EPHA5: variants seen among roughly 807,000 people sequenced by gnomAD.
EPHA5 encodes ephrin type-A receptor 5.
A neutral mutation model predicts 105.0 loss-of-function variants in EPHA5; 60 were observed. That is an observed-to-expected ratio of 0.57 (90% CI 0.46 to 0.71). The LOEUF (loss-of-function observed/expected upper bound fraction) is 0.71. Ranked by LOEUF, EPHA5 falls within the 30% of genes least tolerant of loss-of-function variation. EPHA5 has a pLI of 0.00. For missense variants in EPHA5, 1,218 were observed against 1,274.7 expected, an observed-to-expected ratio of 0.96 and a Z score of 0.68; for synonymous variants, 513 against 449.1, an observed-to-expected ratio of 1.14 and a Z score of -1.80.
At chr4:65,594,040 T>A (rs1006349874) in intron 3 of EPHA5, among the ~76,000 whole-genome samples, 1 of 152,228 alleles carries the variant, frequency 6.6e-6, no homozygotes, top group African/African-American at 2.4e-5. Context: ...TTCTGTTTTA[T>A]GTTATCAGAC....
At chr4:65,479,216 T>C (rs1730119538) in intron 5 of EPHA5, among the ~76,000 whole-genome samples, 1 of 152,198 alleles carries the variant, frequency 6.6e-6, no homozygotes, top group Admixed American at 6.5e-5. Context: ...ATTGTTGTAA[T>C]CATTGTATGT....
chr4:65,653,515 A>G (rs1320789621), intron 1 of EPHA5, among the ~76,000 whole-genome samples: 1 of 152,100 alleles, frequency 6.6e-6, no homozygotes, highest in Non-Finnish European at 1.5e-5. Flanking sequence ...CTCAGAACTA[A>G]TTATCCATCT....
At position 65,324,096 on chromosome 4, in the gene EPHA5, A is replaced by C. The variant is rs762528324; in HGVS notation, c.*18T>G. ...AAGTGCAGAATCATTCACTTGAAGA[A>C]GCGACATTTACATGAAGTTACAATG... On this transcript the variant is annotated 3_prime_UTR_variant, in exon 17 of 17. Transcript: ENST00000613740. 1 of 1,543,172 alleles carries C rather than the reference A, an allele frequency of 6.5e-7. No homozygotes were observed. Among genetic ancestry groups the C allele is most frequent in the South Asian group, 1.1e-5 (1 of 89,352 alleles).
chr4:65,444,239 C>T (rs1417673344), intron 5 of EPHA5, among the ~76,000 whole-genome samples: 5 of 152,074 alleles, frequency 3.3e-5, no homozygotes, highest in African/African-American at 1.2e-4. Context: ...GCTGAAGATC[C>T]TTTTGTCTCT....
At chr4:65,611,865 C>T (rs538849690) in intron 2 of EPHA5, among the ~76,000 whole-genome samples, 2 of 151,530 alleles carry the variant, frequency 1.3e-5, no homozygotes, top group East Asian at 1.9e-4. Context: ...TAATAAAGTG[C>T]ACTCCAGCCA....
chr4:65,464,603 A>T (rs1354835278), intron 5 of EPHA5, among the ~76,000 whole-genome samples: 1 of 152,150 alleles, frequency 6.6e-6, no homozygotes, highest in Non-Finnish European at 1.5e-5. Context: ...CATTTATTAA[A>T]ATCATTTTAA....
chr4:65,650,668 T>C (rs1477670171), intron 1 of EPHA5, among the ~76,000 whole-genome samples: 2 of 152,022 alleles, frequency 1.3e-5, no homozygotes, highest in Non-Finnish European at 2.9e-5. Context: ...CAAATCCTAC[T>C]GATTCTAACA....
chr4:65,540,853 C>A (rs1269582268), intron 3 of EPHA5, among the ~76,000 whole-genome samples: 3 of 125,680 alleles, frequency 2.4e-5, no homozygotes, highest in Admixed American at 8.9e-5. Flanking sequence ...AATCACATAG[C>A]AGTCAATTTT....
intron 1 of EPHA5, among the ~76,000 whole-genome samples, chr4:65,653,914 A>G (rs1037763313): frequency 6.6e-6 from 1 of 152,062 alleles, no homozygotes; most frequent in Non-Finnish European, 1.5e-5. Flanking sequence ...GTCTTAGCAA[A>G]CAATGATAAT....
chr4:65,351,686 T>TA, intron 12 of EPHA5, 88 bp from the exon 13 acceptor site: 1 of 1,163,696 alleles, frequency 8.6e-7, no homozygotes, highest in South Asian at 1.4e-5. Flanking sequence ...CCCAAATTGA[T>TA]ACTATCAGTC....
At chr4:65,660,296 G>A (rs1184347982) in intron 1 of EPHA5, among the ~76,000 whole-genome samples, 1 of 151,980 alleles carries the variant, frequency 6.6e-6, no homozygotes, top group Admixed American at 6.6e-5. Context: ...TCCAATATTC[G>A]ATATTAAATA....
chr4:65,384,940 C>G (rs1284284724), intron 8 of EPHA5, among the ~76,000 whole-genome samples: 2 of 151,450 alleles, frequency 1.3e-5, no homozygotes, highest in Non-Finnish European at 2.9e-5. Context: ...CTGAGCTCTT[C>G]CTCCCCCAGT....
At chr4:65,587,116 G>C (rs558968153) in intron 3 of EPHA5, among the ~76,000 whole-genome samples, 2 of 152,156 alleles carry the variant, frequency 1.3e-5, no homozygotes, top group African/African-American at 4.8e-5. Context: ...ACTTCAAACT[G>C]AAAGTCTCCT....
At chr4:65,481,266 T>C (rs2149188224) in intron 5 of EPHA5, among the ~76,000 whole-genome samples, 1 of 152,316 alleles carries the variant, frequency 6.6e-6, no homozygotes, top group South Asian at 2.1e-4. Flanking sequence ...AAGGATGACA[T>C]AGCTATACAT....
At chr4:65,533,710 G>A (rs957913163) in intron 3 of EPHA5, among the ~76,000 whole-genome samples, 12 of 152,166 alleles carry the variant, frequency 7.9e-5, no homozygotes, top group Non-Finnish European at 1.2e-4. Context: ...CGAGGTGGGC[G>A]GATCACCTGA....
chr4:65,633,982 G>A (rs1360427347), intron 2 of EPHA5, among the ~76,000 whole-genome samples: 1 of 152,056 alleles, frequency 6.6e-6, no homozygotes, highest in Non-Finnish European at 1.5e-5. Flanking sequence ...TTAGATAGAG[G>A]TTAGGATGGA....
At chr4:65,482,563 T>TA (rs1329621384) in intron 5 of EPHA5, among the ~76,000 whole-genome samples, 1 of 152,048 alleles carries the variant, frequency 6.6e-6, no homozygotes, top group East Asian at 1.9e-4. Flanking sequence ...ATATGAATGG[T>TA]AAAAAACACA....
At position 65,337,762 on chromosome 4, in the gene EPHA5, G is replaced by A. The variant is rs560707433; in HGVS notation, c.2596-1637C>T. ...AGCTGGACTGATAATATAAAGGTAAGGGTCATCAGCACTTGGCCACAGCTG... is the reference window on the plus strand; with the variant it reads ...AGCTGGACTGATAATATAAAGGTAAAGGTCATCAGCACTTGGCCACAGCTG... On this transcript the variant is annotated intron_variant, in intron 14 of 16. Transcript: ENST00000613740. Among the ~76,000 whole-genome samples, 4 of 152,116 alleles carry A rather than the reference G, an allele frequency of 2.6e-5. No individual in the cohort carries two copies. The East Asian group carries it at 5.8e-4, about 22-fold the overall frequency.
intron 14 of EPHA5, among the ~76,000 whole-genome samples, chr4:65,343,048 A>G (rs1467184122): frequency 6.6e-6 from 1 of 152,190 alleles, no homozygotes; most frequent in East Asian, 1.9e-4. Context: ...TTAGTTTTCA[A>G]AATATTGTGC....
Sources: gnomAD v4.1 joint callset for allele counts (sites outside exome capture counted in the v4.1 genomes callset) on GRCh38, gnomAD v4.1.1 for gene constraint, MANE v1.5 for transcripts, NCBI Gene and HGNC (gene_info 2026-07-23, HGNC 2026-07-21) for gene names.